Variants in STAG1 observed in about 807,000 individuals in gnomAD.
STAG1 encodes the protein cohesin subunit SA-1.
Under a neutral mutation model 170.9 loss-of-function variants are expected in STAG1, and 26 were observed. The ratio of observed to expected loss-of-function variants is 0.15; its 90% CI spans 0.11 to 0.21. The LOEUF (loss-of-function observed/expected upper bound fraction) is 0.21, where lower values mean the gene tolerates loss of function less well. Ranked by LOEUF, STAG1 falls within the 10% of genes least tolerant of loss-of-function variation. The pLI, the probability that STAG1 is intolerant of heterozygous loss-of-function variation, is 1.00. For synonymous variants in STAG1, 514 were observed against 497.7 expected (o/e 1.03, Z -0.44); for missense variants, 964 against 1,509.5 (o/e 0.64, Z 5.99).
intron 22 of STAG1, among the ~76,000 whole-genome samples, chr3:136,388,334 A>C (rs926547639): frequency 2.0e-5 from 3 of 152,080 alleles, no homozygotes; most frequent in Non-Finnish European, 4.4e-5. Flanking sequence ...CACACACACA[A>C]AATGCTGGAA....
At chr3:136,409,429 C>G (rs2087566425) in intron 21 of STAG1, among the ~76,000 whole-genome samples, 2 of 152,058 alleles carry the variant, frequency 1.3e-5, no homozygotes, top group South Asian at 4.2e-4. Flanking sequence ...CTCTGCCTCC[C>G]AGGTACAAGA....
chr3:136,400,264 G>A (rs2087280988), intron 21 of STAG1, among the ~76,000 whole-genome samples: 1 of 151,908 alleles, frequency 6.6e-6, no homozygotes, highest in Non-Finnish European at 1.5e-5. Context: ...GTCTTGCTCT[G>A]TTGCCCAGGC....
At chr3:136,362,725 T>C (rs1316041366) in intron 26 of STAG1, among the ~76,000 whole-genome samples, 6 of 152,060 alleles carry the variant, frequency 3.9e-5, no homozygotes, top group Middle Eastern at 3.4e-3. Flanking sequence ...TATTTTCTTA[T>C]AAACCCTTAT....
intron 8 of STAG1, among the ~76,000 whole-genome samples, chr3:136,501,284 T>G (rs1202853654): frequency 1.3e-5 from 2 of 152,214 alleles, no homozygotes; most frequent in African/African-American, 2.4e-5. Context: ...AAGTATGGTA[T>G]GTGTGAAGGG....
At chr3:136,449,771 C>A (rs2088883761) in intron 14 of STAG1, among the ~76,000 whole-genome samples, 1 of 152,154 alleles carries the variant, frequency 6.6e-6, no homozygotes, top group Middle Eastern at 3.4e-3. Flanking sequence ...AATTGAAAAG[C>A]CCTTGAGCTT....
chr3:136,531,428 A>G (rs1935360428), intron 6 of STAG1, among the ~76,000 whole-genome samples: 1 of 150,806 alleles, frequency 6.6e-6, no homozygotes, highest in South Asian at 2.1e-4. Context: ...CCAAAGGACT[A>G]TAAATCATGC....
chr3:136,679,035 G>C (rs1247774985), intron 1 of STAG1, among the ~76,000 whole-genome samples: 1 of 138,470 alleles, frequency 7.2e-6, no homozygotes, highest in Non-Finnish European at 1.6e-5. Context: ...ACATAAAAAA[G>C]ATGTTCAAAC....
rs140329089 is a variant in STAG1, at chr3:136,467,179, G to A, written c.1206-2191C>T. ...AACAATATTAACCTTAAATGTAAAT[G>A]GGCTAAATGCTCCAATTAAAAGACA... On this transcript the variant is annotated intron_variant, in intron 12 of 33. Coordinates refer to ENST00000383202, the MANE Select transcript of STAG1 (RefSeq NM_005862.3). 9.7e-3 allele frequency among the ~76,000 whole-genome samples: 1,478 copies of A among 152,192 alleles called. 15 individuals are homozygous for A. Among genetic ancestry groups the A allele is most frequent in the Non-Finnish European group, 0.015 (1,052 of 68,024 alleles).
intron 23 of STAG1, among the ~76,000 whole-genome samples, chr3:136,369,625 C>A (rs1197797968): frequency 6.6e-6 from 1 of 152,016 alleles, no homozygotes; most frequent in African/African-American, 2.4e-5. Context: ...GAGTTTAACC[C>A]AACTTTGCAA....
In STAG1 at chr3:136,537,662, A is replaced by AT. The variant is rs1300556910; in HGVS notation, c.471+4456dup. On this transcript the variant is annotated intron_variant, in intron 6 of 33. Transcript: ENST00000383202. ...ATTACAGGCATGTACCACCACGCTA[A>AT]TTTTTTTATTTTTAGTAGAGATGGG... Among the ~76,000 whole-genome samples the AT allele has an allele frequency of 1.6e-4, 24 of 151,784 alleles. No individual in the cohort carries two copies. In the East Asian group the frequency reaches 4.3e-3, roughly 27 times the overall value.
intron 3 of STAG1, among the ~76,000 whole-genome samples, chr3:136,614,503 G>T (rs1939480209): frequency 6.6e-6 from 1 of 152,152 alleles, no homozygotes; most frequent in South Asian, 2.1e-4. Flanking sequence ...AACACAGTAA[G>T]TAATGAATTT....
intron 15 of STAG1, among the ~76,000 whole-genome samples, chr3:136,436,897 T>C (rs972727319): frequency 1.3e-5 from 2 of 152,254 alleles, no homozygotes; most frequent in African/African-American, 4.8e-5. Flanking sequence ...ACACATGAAC[T>C]TTAGCTTATC....
chr3:136,454,075 T>C (rs2089028257), intron 13 of STAG1, among the ~76,000 whole-genome samples: 1 of 152,126 alleles, frequency 6.6e-6, no homozygotes, highest in African/African-American at 2.4e-5. Context: ...TGAATATCCC[T>C]GATAACTGAA....
At chr3:136,447,356 C>T (rs1408805405) in intron 14 of STAG1, among the ~76,000 whole-genome samples, 1 of 151,672 alleles carries the variant, frequency 6.6e-6, no homozygotes, top group Middle Eastern at 3.2e-3. Flanking sequence ...GCAGTACCAC[C>T]TACTCAGGAG....
intron 1 of STAG1, among the ~76,000 whole-genome samples, chr3:136,722,479 G>A (rs1344124567): frequency 1.3e-5 from 2 of 152,112 alleles, no homozygotes; most frequent in Non-Finnish European, 2.9e-5. Flanking sequence ...AAAGAGAAGG[G>A]AAGTGGTAAA....
chr3:136,662,433 TGA>T (rs915809371), intron 1 of STAG1, among the ~76,000 whole-genome samples: 3 of 151,838 alleles, frequency 2.0e-5, no homozygotes, highest in Non-Finnish European at 1.5e-5. Context: ...ATTACAGGCA[TGA>T]ACCACCATGC....
intron 9 of STAG1, among the ~76,000 whole-genome samples, chr3:136,480,851 G>A (rs1456962874): frequency 1.5e-5 from 2 of 133,868 alleles, no homozygotes; most frequent in East Asian, 2.6e-4. Context: ...ATTGTGAATG[G>A]GAGTTCACTC....
chr3:136,347,548 C>G (rs960714456), intron 29 of STAG1, among the ~76,000 whole-genome samples: 1 of 151,872 alleles, frequency 6.6e-6, no homozygotes, highest in African/African-American at 2.4e-5. Context: ...GAAAGGAAAT[C>G]TTAAACTTTG....
intron 16 of STAG1, among the ~76,000 whole-genome samples, chr3:136,429,732 C>T (rs1487417726): frequency 6.6e-6 from 1 of 152,176 alleles, no homozygotes; most frequent in East Asian, 1.9e-4. Context: ...CTCCTTCCTT[C>T]TCCATCTCTT....
Sources: allele counts gnomAD v4.1 joint callset (sites outside exome capture counted in the v4.1 genomes callset), GRCh38; gene constraint gnomAD v4.1.1; transcripts MANE v1.5; gene names NCBI Gene and HGNC (gene_info 2026-07-23, HGNC 2026-07-21).